The following CSTF2 variants were observed in gnomAD, a reference collection of about 807,000 sequenced individuals.
CSTF2 encodes the protein CF-1 64 kDa subunit.
Under a neutral mutation model 45.4 loss-of-function variants are expected in CSTF2, and 8 were observed. That is an observed-to-expected ratio of 0.18 (90% CI 0.10 to 0.32). The LOEUF (loss-of-function observed/expected upper bound fraction) is 0.32. Among genes scored for constraint, CSTF2 ranks in the 10% least tolerant of loss-of-function variants. The pLI is 1.00. For synonymous variants in CSTF2, 155 were observed against 158.9 expected (o/e 0.98, Z 0.18); for missense variants, 253 against 477.1 (o/e 0.53, Z 4.38).
chrX:100,826,879 A>G, intron 7 of CSTF2, 122 bp downstream of exon 7: 2 of 668,689 alleles, frequency 3.0e-6, no homozygotes, highest in Non-Finnish European at 4.4e-6. Context: ...GCTAGAAAGT[A>G]TATATCTTAG....
At position 100,820,651 on chromosome X, in the gene CSTF2, C is replaced by T. The variant is rs780658809; in HGVS notation, c.58+177C>T. On this transcript the variant is annotated intron_variant, in intron 1 of 13. Transcript: ENST00000372972. ...AGAGATATTCCCATTCTGCCGAGGT[C>T]TCGTAGGCTTTCCGCAATATCAGTG... is the stretch of plus-strand genomic sequence containing the variant. 3.1e-5 allele frequency: 17 copies of T among 540,915 alleles called. No homozygotes were observed. In the East Asian group the frequency reaches 5.8e-4, roughly 19 times the overall value. The allele number at this position is 540,915 out of a possible 1,213,427, so 44.6% of individuals were successfully genotyped here.
At chrX:100,830,823 C>T in intron 8 of CSTF2, 12 of 1,154,009 alleles carry the variant, frequency 1.0e-5, no homozygotes, top group Non-Finnish European at 1.4e-5. Flanking sequence ...CTACAGCACT[C>T]GCCCGTGGGA....
Position 100,833,243 on chromosome X carries a change from G to T in CSTF2, c.1271G>T (p.Gly424Val). ...GMEARAMEAR[G>V]LDARGLEARA... ...GAGGCCCGAGCCATGGAGGCAAGAG[G>T]GTTAGATGCCAGAGGATTAGAGGCC... The change falls in exon 11 of 14, where the codon GGG (glycine) becomes GTG (valine). Residue 424 changes from glycine (G) to valine (V), a missense_variant. Gly to Val is a moderately radical substitution (Grantham distance 109). Coordinates refer to ENST00000372972, the MANE Select transcript of CSTF2 (RefSeq NM_001325.3). 1.7e-6 allele frequency: 2 copies of T among 1,210,733 alleles called. No individual in the cohort carries two copies. Among genetic ancestry groups the T allele is most frequent in the Non-Finnish European group, 1.1e-6 (1 of 894,927 alleles).
intron 8 of CSTF2, among the ~76,000 whole-genome samples, chrX:100,830,621 TA>T (rs2084969516): frequency 8.9e-6 from 1 of 111,755 alleles, no homozygotes; most frequent in Admixed American, 9.4e-5. Flanking sequence ...AAAATGGAAC[TA>T]TTTCAGAGAC....
chrX:100,837,597 T>G, intron 12 of CSTF2, 148 bp downstream of exon 12: 2 of 405,391 alleles, frequency 4.9e-6, no homozygotes, highest in Non-Finnish European at 8.5e-6. Flanking sequence ...ATGATCTTGT[T>G]ACCTGAAAAT....
In CSTF2 at chrX:100,831,522, G is replaced by A. The variant is rs202082206; in HGVS notation, c.897G>A (p.Met299Ile). The change falls in exon 9 of 14, where the codon ATG becomes ATA. Residue 299 changes from methionine to isoleucine, a missense_variant. This residue lies in a region of CSTF2 where 200 missense variants were observed against 294.0 expected (regional missense o/e 0.68). Transcript: ENST00000372972. ...CGTTTGTTTCCCTGTCAGTGCCGAT[G>A]CAAGACCCCAGAGCAGCTATGCAGC... ...PVSMERGQVPMQDPRAAMQRG... is the reference protein window; with the variant it reads ...PVSMERGQVPIQDPRAAMQRG... The A allele has an allele frequency of 2.8e-5, 34 of 1,209,906 alleles. No homozygotes were observed. The highest frequency in any genetic ancestry group is 3.8e-5 in the Non-Finnish European group (34 of 895,206).
At chrX:100,836,391 C>T (rs970015847) in intron 11 of CSTF2, among the ~76,000 whole-genome samples, 3 of 112,078 alleles carry the variant, frequency 2.7e-5, no homozygotes, top group African/African-American at 3.2e-5. Flanking sequence ...ACTGTCAGGC[C>T]GTCACCTGGC....
intron 12 of CSTF2, among the ~76,000 whole-genome samples, 171 bp downstream of exon 12, chrX:100,837,620 TC>T (rs1355206440): frequency 8.9e-6 from 1 of 112,397 alleles, no homozygotes; most frequent in Non-Finnish European, 1.9e-5. Flanking sequence ...GTGAGTCTGG[TC>T]CTGAAGTTCC....
At chrX:100,824,529 T>C (rs967829081) in intron 6 of CSTF2, among the ~76,000 whole-genome samples, 2 of 112,001 alleles carry the variant, frequency 1.8e-5, no homozygotes, top group African/African-American at 6.5e-5. Context: ...GGTTGGCACT[T>C]CGTTATTCCA....
At position 100,838,192 on chromosome X, in the gene CSTF2, AG is replaced by A. The variant is rs745462084; in HGVS notation, c.1612-46del. 5.6e-6 allele frequency: 6 copies of A among 1,080,202 alleles called. No individual in the cohort carries two copies. The Admixed American group carries it at 1.9e-4, about 34-fold the overall frequency. 89.0% of individuals were successfully genotyped at this position (1,080,202 alleles called of 1,213,427 possible). On this transcript the variant is annotated intron_variant, in intron 12 of 13. Coordinates refer to ENST00000372972, the MANE Select transcript of CSTF2 (RefSeq NM_001325.3). Reference sequence around the variant, plus strand: ...TTTTTTGTTTTGTTTTGTATTTTTTAGCTGCCATCATTAAAACTCACTACCT... The same window carrying A: ...TTTTTTGTTTTGTTTTGTATTTTTTACTGCCATCATTAAAACTCACTACCT...
chrX:100,820,777 C>T (rs1022490944), intron 1 of CSTF2: 3 of 413,300 alleles, frequency 7.3e-6, no homozygotes, highest in Non-Finnish European at 1.4e-5. Flanking sequence ...CTCACTGTCC[C>T]GTACTACTTC....
chrX:100,829,365 C>T (rs1175659525), intron 8 of CSTF2, among the ~76,000 whole-genome samples: 5 of 110,741 alleles, frequency 4.5e-5, no homozygotes, highest in African/African-American at 1.6e-4. Context: ...GTGGTGTGCA[C>T]TTGTGGTCCC....
At chrX:100,829,589 G>A (rs1170154986) in intron 8 of CSTF2, among the ~76,000 whole-genome samples, 2 of 111,734 alleles carry the variant, frequency 1.8e-5, no homozygotes, top group Non-Finnish European at 3.8e-5. Flanking sequence ...ACTGGGGTTG[G>A]TTGCTGAAGT....
intron 2 of CSTF2, among the ~76,000 whole-genome samples, chrX:100,822,042 A>C (rs1478632671): frequency 1.8e-5 from 2 of 110,062 alleles, no homozygotes; most frequent in Non-Finnish European, 3.8e-5. Context: ...GCAGTGAGCC[A>C]AGATCATGCC....
Position 100,838,334 on chromosome X carries a change from A to G in CSTF2, c.1707A>G (p.Gln569=). 1 of 1,204,909 alleles carries G rather than the reference A, an allele frequency of 8.3e-7. No individual in the cohort carries two copies. Among genetic ancestry groups the G allele is most frequent in the South Asian group, 1.8e-5 (1 of 55,011 alleles). The change falls in exon 13 of 14, where the codon CAA becomes CAG. Residue 569 remains glutamine, a synonymous_variant. Transcript: ENST00000372972. ...QRQSILILKE[Q]IQKSTGAP ...AGAGTATCCTGATTTTAAAGGAACA[A>G]ATACAGAAATCCACTGGAGCACCTT...
intron 12 of CSTF2, among the ~76,000 whole-genome samples, chrX:100,837,754 C>T (rs2085017390): frequency 8.9e-6 from 1 of 111,971 alleles, no homozygotes; most frequent in Admixed American, 9.4e-5. Context: ...ACCCTTTTTC[C>T]TTCCCTTTCT....
At chrX:100,833,115 T>C in intron 10 of CSTF2, 65 bp from the exon 11 acceptor site, 1 of 1,103,848 alleles carries the variant, frequency 9.1e-7, no homozygotes, top group East Asian at 3.2e-5. Context: ...TTTCTTGGAT[T>C]GTTCATCATT....
chrX:100,836,786 A>G (rs1195331654), intron 11 of CSTF2, among the ~76,000 whole-genome samples: 1 of 112,473 alleles, frequency 8.9e-6, no homozygotes, highest in Non-Finnish European at 1.9e-5. Context: ...AGCTATAAAC[A>G]GCAAATGTTG....
intron 11 of CSTF2, among the ~76,000 whole-genome samples, chrX:100,837,056 T>C (rs1375422417): frequency 2.7e-5 from 3 of 112,154 alleles, no homozygotes; most frequent in Non-Finnish European, 5.6e-5. Flanking sequence ...ACTGTGCTTA[T>C]TTGGCTGAAT....
Sources: gnomAD v4.1 joint callset for allele counts (sites outside exome capture counted in the v4.1 genomes callset) on GRCh38, gnomAD v4.1.1 for gene constraint, gnomAD v4.1.1 regional missense constraint, MANE v1.5 for transcripts, NCBI Gene and HGNC (gene_info 2026-07-23, HGNC 2026-07-21) for gene names.